The following ARHGAP15 variants were observed in gnomAD, a reference collection of about 807,000 sequenced individuals.
The protein encoded by ARHGAP15 is Rho GTPase activating protein 15.
In ARHGAP15, 51 loss-of-function variants were observed where a neutral mutation model predicts 63.7. The observed-to-expected ratio is 0.80, with a 90% CI of 0.64 to 1.01. The LOEUF (loss-of-function observed/expected upper bound fraction) is 1.01, where lower values mean the gene tolerates loss of function less well. ARHGAP15 is among the 50% of genes least tolerant of loss of function. ARHGAP15 has a pLI of 0.00. For missense variants in ARHGAP15, 560 were observed against 564.6 expected (o/e 0.99, Z 0.08); for synonymous variants, 191 against 193.8 (o/e 0.99, Z 0.12).
intron 12 of ARHGAP15, among the ~76,000 whole-genome samples, chr2:143,654,814 A>T (rs1177796589): frequency 2.6e-5 from 4 of 152,222 alleles, no homozygotes; most frequent in Non-Finnish European, 5.9e-5. Context: ...GAAATTAATT[A>T]TAAAGACAAA....
chr2:143,323,625 G>T (rs1292126314), intron 6 of ARHGAP15, among the ~76,000 whole-genome samples: 2 of 152,076 alleles, frequency 1.3e-5, no homozygotes, highest in Non-Finnish European at 2.9e-5. Context: ...GGCTGGGTGT[G>T]GTGGTTCACG....
intron 12 of ARHGAP15, among the ~76,000 whole-genome samples, chr2:143,627,073 G>T (rs1359507797): frequency 2.0e-5 from 3 of 152,054 alleles, no homozygotes; most frequent in Admixed American, 2.0e-4. Context: ...CAGAGAGTGG[G>T]CCCTCACCAA....
chr2:143,658,242 T>C (rs535507015), intron 12 of ARHGAP15, among the ~76,000 whole-genome samples: 2 of 152,310 alleles, frequency 1.3e-5, no homozygotes, highest in Admixed American at 1.3e-4. Flanking sequence ...ACCACTCTCT[T>C]ATAAGCTAGG....
At chr2:143,669,994 C>T (rs1299507120) in intron 12 of ARHGAP15, among the ~76,000 whole-genome samples, 1 of 152,144 alleles carries the variant, frequency 6.6e-6, no homozygotes, top group African/African-American at 2.4e-5. Flanking sequence ...GTGTGCAAGG[C>T]ATGTAGACTA....
intron 4 of ARHGAP15, among the ~76,000 whole-genome samples, chr2:143,227,396 T>C (rs1693251386): frequency 6.6e-6 from 1 of 152,172 alleles, no homozygotes. Context: ...ATGCTAAGCA[T>C]TGTGGATACC....
intron 12 of ARHGAP15, among the ~76,000 whole-genome samples, chr2:143,687,129 A>T (rs1425366706): frequency 6.6e-6 from 1 of 152,098 alleles, no homozygotes; most frequent in Non-Finnish European, 1.5e-5. Context: ...TTATTTCTCT[A>T]CTTTTCTCTG....
Position 143,413,932 on chromosome 2 carries a change from T to C in ARHGAP15, c.475-21669T>C, listed in dbSNP as rs1323199392. 9.0e-5 allele frequency among the ~76,000 whole-genome samples: 7 copies of C among 77,896 alleles called. No homozygotes were observed. The East Asian group carries it at 2.1e-3, about 24-fold the overall frequency. The allele number at this position is 77,896 out of a possible 152,430, so 51.1% of individuals were successfully genotyped here. A position where few individuals can be genotyped will look rare whatever the true frequency, so the allele number is the denominator to read the frequency against. ...CCTAGATGGAAGGTAGGTAGTTGTG[T>C]GTGTGTGTGTGTGTGTGTGTGTGTG... On this transcript the variant is annotated intron_variant, in intron 6 of 13. Coordinates refer to ENST00000295095, the MANE Select transcript of ARHGAP15 (RefSeq NM_018460.4).
chr2:143,416,015 C>G (rs1340277473), intron 6 of ARHGAP15, among the ~76,000 whole-genome samples: 1 of 151,910 alleles, frequency 6.6e-6, no homozygotes, highest in Non-Finnish European at 1.5e-5. Flanking sequence ...GACTACAAAT[C>G]AGGTGCAGTG....
chr2:143,318,952 AAT>A (rs2105216364), intron 6 of ARHGAP15, among the ~76,000 whole-genome samples: 1 of 152,206 alleles, frequency 6.6e-6, no homozygotes, highest in South Asian at 2.1e-4. Flanking sequence ...CTCCCGCGCA[AAT>A]ATCTTATAGC....
At chr2:143,363,306 C>T (rs1356017874) in intron 6 of ARHGAP15, among the ~76,000 whole-genome samples, 3 of 152,030 alleles carry the variant, frequency 2.0e-5, no homozygotes, top group Non-Finnish European at 4.4e-5. Flanking sequence ...TTTTGGAGGC[C>T]AAGGAGGAGG....
At chr2:143,162,972 C>A (rs1013408248) in intron 2 of ARHGAP15, among the ~76,000 whole-genome samples, 2 of 151,890 alleles carry the variant, frequency 1.3e-5, no homozygotes, top group African/African-American at 4.8e-5. Flanking sequence ...TTTATTTATG[C>A]CTGTATGTCT....
chr2:143,514,041 C>T (rs1001425516), intron 9 of ARHGAP15, among the ~76,000 whole-genome samples: 3 of 152,156 alleles, frequency 2.0e-5, no homozygotes, highest in Admixed American at 1.3e-4. Flanking sequence ...ACTTTGAGCC[C>T]TGCTTGGCTT....
At chr2:143,399,575 G>T (rs1341947901) in intron 6 of ARHGAP15, among the ~76,000 whole-genome samples, 1 of 151,994 alleles carries the variant, frequency 6.6e-6, no homozygotes, top group Non-Finnish European at 1.5e-5. Flanking sequence ...AGAACATTAC[G>T]ATTTACAGGG....
intron 6 of ARHGAP15, among the ~76,000 whole-genome samples, chr2:143,288,260 A>T (rs1442525620): frequency 6.6e-6 from 1 of 152,154 alleles, no homozygotes; most frequent in Non-Finnish European, 1.5e-5. Flanking sequence ...CACATCCTAC[A>T]CTTCCGAATG....
intron 11 of ARHGAP15, among the ~76,000 whole-genome samples, chr2:143,615,079 G>T (rs751755358): frequency 6.6e-6 from 1 of 152,086 alleles, no homozygotes; most frequent in Non-Finnish European, 1.5e-5. Flanking sequence ...TGGTGATTGT[G>T]GTGAAGAAAA....
chr2:143,449,228 T>C (rs1690284921), intron 8 of ARHGAP15, among the ~76,000 whole-genome samples: 1 of 152,030 alleles, frequency 6.6e-6, no homozygotes, highest in African/African-American at 2.4e-5. Flanking sequence ...CAAAAAATGA[T>C]TCTGAGCCTA....
intron 8 of ARHGAP15, among the ~76,000 whole-genome samples, chr2:143,468,908 G>A (rs1691381286): frequency 6.6e-6 from 1 of 152,232 alleles, no homozygotes; most frequent in East Asian, 1.9e-4. Flanking sequence ...CACTATGTCT[G>A]TCTCTCTAAC....
intron 13 of ARHGAP15, among the ~76,000 whole-genome samples, chr2:143,728,137 A>G (rs1373393484): frequency 6.6e-6 from 1 of 152,194 alleles, no homozygotes; most frequent in South Asian, 2.1e-4. Context: ...TGGAAGTCCA[A>G]GGTCAAGATA....
chr2:143,189,791 C>A (rs1211221611), intron 2 of ARHGAP15, among the ~76,000 whole-genome samples: 1 of 151,990 alleles, frequency 6.6e-6, no homozygotes, highest in Non-Finnish European at 1.5e-5. Context: ...CGTGTGTTCG[C>A]TTTTCCTGAT....
Sources: allele counts gnomAD v4.1 joint callset (sites outside exome capture counted in the v4.1 genomes callset), GRCh38; gene constraint gnomAD v4.1.1; transcripts MANE v1.5; gene names NCBI Gene and HGNC (gene_info 2026-07-23, HGNC 2026-07-21).